The following POLQ variants were observed in gnomAD, a reference collection of about 807,000 sequenced individuals.
POLQ encodes the protein DNA polymerase theta, also known as epididymis secretory sperm binding protein.
In POLQ, 233 loss-of-function variants were observed where a neutral mutation model predicts 259.2. That is an observed-to-expected ratio of 0.90 (90% CI 0.81 to 1.00). POLQ has a LOEUF of 1.00. POLQ is among the 50% of genes least tolerant of loss of function. The pLI, the probability that POLQ is intolerant of heterozygous loss-of-function variation, is 0.00. For synonymous variants in POLQ, 1,025 were observed against 1,048.8 expected, an observed-to-expected ratio of 0.98 and a Z score of 0.44; for missense variants, 2,871 against 3,051.6, an observed-to-expected ratio of 0.94 and a Z score of 1.39.
In POLQ at chr3:121,467,550, A is replaced by C. The variant is rs753274835; in HGVS notation, c.6936T>G (p.Ile2312Met). 6 of 1,614,070 alleles carry C rather than the reference A, an allele frequency of 3.7e-6. No homozygotes were observed. Among genetic ancestry groups the C allele is most frequent in the Non-Finnish European group, 5.1e-6 (6 of 1,179,908 alleles). ...AAGGCACAAAGGCATGTCGCATGCT[A>C]ATTGAAAATGGCATTCCTCTGTCTG... is the stretch of plus-strand genomic sequence containing the variant. Reference protein sequence around the residue: ...RAADRGMPFSISMRHAFVPFP... With the variant: ...RAADRGMPFSMSMRHAFVPFP... Residue 2312 changes from isoleucine (I) to methionine (M), a missense_variant, in exon 24 of 30, where the codon ATT becomes ATG. Coordinates refer to ENST00000264233, the MANE Select transcript of POLQ (RefSeq NM_199420.4).
chr3:121,464,082 G>A (rs1369366366), intron 24 of POLQ, among the ~76,000 whole-genome samples: 1 of 152,136 alleles, frequency 6.6e-6, no homozygotes, highest in African/African-American at 2.4e-5. Flanking sequence ...CAAGTATTCA[G>A]TAATCAAAGA....
intron 19 of POLQ, among the ~76,000 whole-genome samples, chr3:121,480,494 CT>C (rs961958545): frequency 5.6e-4 from 82 of 147,678 alleles, no homozygotes; most frequent in African/African-American, 1.2e-3. Context: ...CCTAACCACC[CT>C]TTTTTTTTTG....
rs1353228582 is a variant in POLQ, at chr3:121,490,336, A to G, written c.2595T>C (p.Thr865=). The G allele has an allele frequency of 6.2e-7, 1 of 1,614,238 alleles. No individual in the cohort carries two copies. The highest frequency in any genetic ancestry group is 8.5e-7 in the Non-Finnish European group (1 of 1,180,038). Residue 865 remains threonine (T), a synonymous_variant, in exon 16 of 30, where the codon ACT becomes ACC. Transcript: ENST00000264233. ...ERRNMRTIWV[T]GRKGLTEREA... Reference sequence around the variant, plus strand: ...CCCTTTCAGTTAAACCTTTTCTGCCAGTCACCCAGATAGTTCGCATATTGC... The same window carrying G: ...CCCTTTCAGTTAAACCTTTTCTGCCGGTCACCCAGATAGTTCGCATATTGC...
intron 20 of POLQ, among the ~76,000 whole-genome samples, chr3:121,475,699 AT>A (rs773067414): frequency 2.0e-5 from 3 of 152,206 alleles, no homozygotes; most frequent in Non-Finnish European, 2.9e-5. Context: ...GGTAACTGCC[AT>A]TTTGACATGC....
At chr3:121,479,602 T>G (rs2047955455) in intron 19 of POLQ, among the ~76,000 whole-genome samples, 1 of 151,852 alleles carries the variant, frequency 6.6e-6, no homozygotes. Flanking sequence ...TACAGGTGCA[T>G]GCAACCACAC....
intron 18 of POLQ, 65 bp downstream of exon 18, chr3:121,483,321 G>A (rs2047984784): frequency 3.5e-6 from 3 of 864,578 alleles, no homozygotes; most frequent in Non-Finnish European, 5.1e-6. Flanking sequence ...TAAATACCAA[G>A]TCATTTAAGA....
chr3:121,528,270 C>T (rs1006788228), intron 7 of POLQ, among the ~76,000 whole-genome samples: 2 of 148,712 alleles, frequency 1.3e-5, no homozygotes, highest in African/African-American at 2.5e-5. Context: ...TACAGGTACC[C>T]GACATCACAT....
At chr3:121,441,804 A>C (rs2108774770) in intron 26 of POLQ, among the ~76,000 whole-genome samples, 1 of 152,346 alleles carries the variant, frequency 6.6e-6, no homozygotes, top group Admixed American at 6.5e-5. Flanking sequence ...TACACAAAAA[A>C]GCCATACTGT....
intron 25 of POLQ, among the ~76,000 whole-genome samples, chr3:121,456,916 G>A (rs1338927555): frequency 2.0e-5 from 3 of 152,104 alleles, no homozygotes; most frequent in Non-Finnish European, 4.4e-5. Flanking sequence ...AAAAGAGCCT[G>A]CATCGCCAAG....
chr3:121,544,620 T>C (rs1181733796), intron 2 of POLQ, 107 bp downstream of exon 2: 1 of 662,408 alleles, frequency 1.5e-6, no homozygotes, highest in Non-Finnish European at 2.6e-6. Context: ...TCTCTAGTTA[T>C]AAAGCACTGC....
intron 24 of POLQ, among the ~76,000 whole-genome samples, chr3:121,461,468 TG>T (rs1399793425): frequency 6.6e-6 from 1 of 151,850 alleles, no homozygotes; most frequent in East Asian, 1.9e-4. Context: ...CTGGCCAACA[TG>T]GTGAAACTCT....
chr3:121,523,586 G>A (rs1304447274), intron 7 of POLQ, among the ~76,000 whole-genome samples: 1 of 152,028 alleles, frequency 6.6e-6, no homozygotes, highest in Non-Finnish European at 1.5e-5. Context: ...ATGGTGGCAT[G>A]CACCTATAGA....
chr3:121,468,376 G>T lies in POLQ; in HGVS notation c.6774C>A (p.Ile2258=). Residue 2258 remains isoleucine, a synonymous_variant, in exon 23 of 30, where the codon ATC becomes ATA. Transcript: ENST00000264233. ...NIQNVPRDFE[I]KMPTLVGESP... is the part of the protein sequence containing the mutation. ...TTTCTCCTACTAGTGTTGGCATTTT[G>T]ATTTCAAAATCTCTTGGCACATTCT... is the stretch of plus-strand genomic sequence containing the variant. 6.2e-7 allele frequency: 1 copy of T among 1,611,050 alleles called. No homozygotes were observed. Among genetic ancestry groups the T allele is most frequent in the Non-Finnish European group, 8.5e-7 (1 of 1,177,396 alleles).
At position 121,488,814 on chromosome 3, in the gene POLQ, T is replaced by C. The variant is rs141896475; in HGVS notation, c.4117A>G (p.Ile1373Val). 1 of 1,613,928 alleles carries C rather than the reference T, an allele frequency of 6.2e-7. No individual in the cohort carries two copies. Among genetic ancestry groups the C allele is most frequent in the African/African-American group, 1.3e-5 (1 of 75,040 alleles). The change falls in exon 16 of 30, where the codon ATT (isoleucine) becomes GTT (valine). Residue 1373 changes from isoleucine (I) to valine (V), a missense_variant. Coordinates refer to ENST00000264233, the MANE Select transcript of POLQ (RefSeq NM_199420.4). Reference sequence around the variant, plus strand: ...GGGTGCTGTTCAGCAGGAAAAGGAATGTGACACTCCTTCTGAAAAGAGTTC... The same window carrying C: ...GGGTGCTGTTCAGCAGGAAAAGGAACGTGACACTCCTTCTGAAAAGAGTTC... Reference protein sequence around the residue: ...SMNSFQKECHIPFPAEQHPLG... With the variant: ...SMNSFQKECHVPFPAEQHPLG...
chr3:121,453,167 G>A (rs2047695402), intron 25 of POLQ, among the ~76,000 whole-genome samples: 1 of 152,222 alleles, frequency 6.6e-6, no homozygotes, highest in Admixed American at 6.5e-5. Flanking sequence ...CAACAGACCT[G>A]CAGCTGAGGG....
chr3:121,482,237 C>A (rs1207766379), intron 18 of POLQ, among the ~76,000 whole-genome samples: 1 of 152,040 alleles, frequency 6.6e-6, no homozygotes, highest in Non-Finnish European at 1.5e-5. Flanking sequence ...AGAAGTGAGG[C>A]GCCGGGCGCA....
chr3:121,520,884 A>G (rs1340594114), intron 8 of POLQ, among the ~76,000 whole-genome samples: 1 of 152,244 alleles, frequency 6.6e-6, no homozygotes, highest in African/African-American at 2.4e-5. Context: ...TACCTCTGAC[A>G]TAAATACGTG....
intron 10 of POLQ, among the ~76,000 whole-genome samples, 183 bp downstream of exon 10, chr3:121,511,704 G>C (rs1478623468): frequency 6.6e-6 from 1 of 152,154 alleles, no homozygotes; most frequent in Non-Finnish European, 1.5e-5. Context: ...CTTGAACCCG[G>C]GAGGCGGAGG....
At chr3:121,522,454 G>T (rs112851521) in intron 7 of POLQ, among the ~76,000 whole-genome samples, 70 of 150,516 alleles carry the variant, frequency 4.7e-4, no homozygotes, top group African/African-American at 1.7e-3. Flanking sequence ...TGGGACTACA[G>T]GCGCCTGCCA....
Sources: allele counts gnomAD v4.1 joint callset (sites outside exome capture counted in the v4.1 genomes callset), GRCh38; gene constraint gnomAD v4.1.1; transcripts MANE v1.5; gene names NCBI Gene and HGNC (gene_info 2026-07-23, HGNC 2026-07-21).